The following NELL2 variants were observed in gnomAD, a reference collection of about 807,000 sequenced individuals.
NELL2 encodes protein kinase C-binding protein NELL2.
In NELL2, 41 loss-of-function variants were observed where a neutral mutation model predicts 109.6. The observed-to-expected ratio is 0.37, with a 90% confidence interval of 0.29 to 0.49. The LOEUF (loss-of-function observed/expected upper bound fraction) is 0.49, where lower values mean the gene tolerates loss of function less well. Ranked by LOEUF, NELL2 falls within the 20% of genes least tolerant of loss-of-function variation. The pLI is 0.98. For synonymous variants in NELL2, 355 were observed against 344.7 expected, an observed-to-expected ratio of 1.03 and a Z score of -0.33; for missense variants, 900 against 1,008.3, an observed-to-expected ratio of 0.89 and a Z score of 1.45.
intron 12 of NELL2, among the ~76,000 whole-genome samples, chr12:44,682,714 A>G (rs1041977303): frequency 6.6e-6 from 1 of 152,194 alleles, no homozygotes; most frequent in Non-Finnish European, 1.5e-5. Context: ...GGTTTGTCAA[A>G]GATCAGATAG....
chr12:44,878,204 A>G (rs573210896), upstream of NELL2, among the ~76,000 whole-genome samples: 1 of 152,310 alleles, frequency 6.6e-6, no homozygotes, highest in East Asian at 1.9e-4. Flanking sequence ...TAATGGGCTT[A>G]TCTCCAGTAC....
Position 44,512,677 on chromosome 12 carries a change from G to A in NELL2, c.2401-3693C>T, listed in dbSNP as rs147487416. Among the ~76,000 whole-genome samples, 730 of 152,110 alleles carry A rather than the reference G, an allele frequency of 4.8e-3. 6 individuals carry two copies. Among genetic ancestry groups the A allele is most frequent in the African/African-American group, 0.016 (683 of 41,508 alleles). On this transcript the variant is annotated intron_variant, in intron 19 of 19. Coordinates refer to ENST00000429094, the MANE Select transcript of NELL2 (RefSeq NM_001145108.2). The stretch of plus-strand genomic sequence containing the variant: ...GAAATCTTGTCATTTTCAACAACAT[G>A]GATGAGACTTGGAGGACATTATGTG...
At chr12:44,706,975 A>T (rs1324825962) in intron 11 of NELL2, among the ~76,000 whole-genome samples, 1 of 152,230 alleles carries the variant, frequency 6.6e-6, no homozygotes, top group African/African-American at 2.4e-5. Context: ...ACAAAAGATT[A>T]TGTGTAAGTA....
chr12:44,901,257 G>T (rs1017567640), intron 1 of NELL2, among the ~76,000 whole-genome samples: 3 of 152,032 alleles, frequency 2.0e-5, no homozygotes, highest in Non-Finnish European at 4.4e-5. Flanking sequence ...TACCATCAGA[G>T]AATACTATAA....
rs183522831 is a variant in NELL2, at chr12:44,882,044, A to T, written c.39-6144T>A. 1.1e-3 allele frequency among the ~76,000 whole-genome samples: 172 copies of T among 152,124 alleles called. 2 individuals carry two copies. The highest frequency in any genetic ancestry group is 3.9e-3 in the African/African-American group (163 of 41,402). On this transcript the variant is annotated intron_variant, in intron 1 of 20. Transcript: ENST00000333837. Reference sequence around the variant, plus strand: ...TATCTGTTGAAAATACCCTTCAGGAATAAATATGAAAGAAAAACATTCTCA... The same window carrying T: ...TATCTGTTGAAAATACCCTTCAGGATTAAATATGAAAGAAAAACATTCTCA...
intron 13 of NELL2, among the ~76,000 whole-genome samples, chr12:44,630,303 A>G (rs1408638781): frequency 6.6e-6 from 1 of 152,184 alleles, no homozygotes; most frequent in Non-Finnish European, 1.5e-5. Flanking sequence ...ACCCCATTGT[A>G]TACTATAAGG....
At chr12:44,754,493 C>T (rs1159642788) in intron 9 of NELL2, among the ~76,000 whole-genome samples, 1 of 152,136 alleles carries the variant, frequency 6.6e-6, no homozygotes, top group Non-Finnish European at 1.5e-5. Context: ...TAAAGTCATT[C>T]CTTTTCTTTT....
chr12:44,636,836 T>C (rs1482206887), intron 13 of NELL2, among the ~76,000 whole-genome samples: 1 of 151,760 alleles, frequency 6.6e-6, no homozygotes, highest in Non-Finnish European at 1.5e-5. Context: ...TTCTATTGTT[T>C]GGAATAGTTT....
intron 16 of NELL2, among the ~76,000 whole-genome samples, chr12:44,529,284 G>A (rs763624862): frequency 4.6e-5 from 7 of 152,118 alleles, no homozygotes; most frequent in Non-Finnish European, 7.4e-5. Context: ...TGTGAGATAT[G>A]AGGAAAAGAA....
rs1940914732 is a variant in NELL2, at chr12:44,756,906, A to AT, written c.994+17840dup. 5.3e-5 allele frequency among the ~76,000 whole-genome samples: 8 copies of AT among 152,160 alleles called. No individual in the cohort carries two copies. The South Asian group carries it at 1.7e-3, about 32-fold the overall frequency. On this transcript the variant is annotated intron_variant, in intron 9 of 19. Coordinates refer to ENST00000429094, the MANE Select transcript of NELL2 (RefSeq NM_001145108.2). ...GTTAGCATCTACACCAATGACACCC[A>AT]TATTTATAGCTCCAGCTCAGACCTT... is the stretch of plus-strand genomic sequence containing the variant.
chr12:44,882,627 G>A (rs2703039), intron 1 of NELL2, among the ~76,000 whole-genome samples: 1,887 of 151,244 alleles, frequency 0.012, 62 homozygotes, highest in African/African-American at 0.044. Context: ...TCCCGAGTTC[G>A]AGCAATTCTC....
At chr12:44,709,735 C>T (rs1938091294) in intron 11 of NELL2, among the ~76,000 whole-genome samples, 1 of 152,164 alleles carries the variant, frequency 6.6e-6, no homozygotes, top group Non-Finnish European at 1.5e-5. Flanking sequence ...GAATCAGAAT[C>T]TGCATTTTAA....
intron 1 of NELL2, chr12:44,881,959 A>G (rs1397303651): frequency 6.6e-6 from 1 of 152,070 alleles, no homozygotes; most frequent in Non-Finnish European, 1.5e-5. Flanking sequence ...CATGGAGGCC[A>G]CAAAAAAGTG....
chr12:44,575,118 C>G (rs1944025721), intron 15 of NELL2, among the ~76,000 whole-genome samples: 1 of 152,190 alleles, frequency 6.6e-6, no homozygotes, highest in Non-Finnish European at 1.5e-5. Context: ...GTTTTCTTCA[C>G]TATTGTCCTC....
At position 44,553,061 on chromosome 12, in the gene NELL2, T is replaced by C. The variant is rs375541808; in HGVS notation, c.1664-20340A>G. ...GCATATTCTCACTCATAGGTGGGAA[T>C]TGAACAATGAGATCACATGGACACA... On this transcript the variant is annotated intron_variant, in intron 15 of 19. Coordinates refer to ENST00000429094, the MANE Select transcript of NELL2 (RefSeq NM_001145108.2). Among the ~76,000 whole-genome samples the C allele has an allele frequency of 8.7e-5, 12 of 138,606 alleles. No homozygotes were observed. The East Asian group carries it at 1.5e-3, about 17-fold the overall frequency. 90.9% of individuals were successfully genotyped at this position (138,606 alleles called of 152,430 possible).
At chr12:44,569,843 C>T (rs1339126833) in intron 15 of NELL2, among the ~76,000 whole-genome samples, 2 of 152,052 alleles carry the variant, frequency 1.3e-5, no homozygotes, top group African/African-American at 2.4e-5. Context: ...AACTCAAAAA[C>T]ATTTTTCTCT....
intron 1 of NELL2, among the ~76,000 whole-genome samples, chr12:44,903,538 T>G (rs749635616): frequency 6.6e-4 from 100 of 152,022 alleles, no homozygotes; most frequent in Non-Finnish European, 2.2e-4. Flanking sequence ...CCATTACTGG[T>G]TATATACCCA....
chr12:44,795,433 C>T (rs1942584292), intron 3 of NELL2, among the ~76,000 whole-genome samples: 1 of 152,100 alleles, frequency 6.6e-6, no homozygotes, highest in Non-Finnish European at 1.5e-5. Flanking sequence ...AGTTTCCTCA[C>T]CTGTTCAAGA....
intron 2 of NELL2, among the ~76,000 whole-genome samples, chr12:44,817,749 C>A (rs1247080896): frequency 6.6e-6 from 1 of 152,150 alleles, no homozygotes; most frequent in Non-Finnish European, 1.5e-5. Context: ...TTTCCATCAC[C>A]ATTATCAATT....
Sources: allele counts gnomAD v4.1 joint callset (sites outside exome capture counted in the v4.1 genomes callset), GRCh38; gene constraint gnomAD v4.1.1; transcripts MANE v1.5; gene names NCBI Gene and HGNC (gene_info 2026-07-23, HGNC 2026-07-21).